The following ZNF804B variants were observed in gnomAD, a reference collection of about 807,000 sequenced individuals.
ZNF804B encodes zinc finger protein 804B.
In ZNF804B, 80 loss-of-function variants were observed where a neutral mutation model predicts 101.4. The observed-to-expected ratio is 0.79, with a 90% CI of 0.66 to 0.95. The LOEUF is 0.95. ZNF804B is among the 40% of genes least tolerant of loss of function. The pLI, the probability that ZNF804B is intolerant of heterozygous loss-of-function variation, is 0.00. For synonymous variants in ZNF804B, 622 were observed against 558.8 expected, an observed-to-expected ratio of 1.11 and a Z score of -1.59; for missense variants, 1,673 against 1,561.9, an observed-to-expected ratio of 1.07 and a Z score of -1.20.
In ZNF804B at chr7:88,803,630, C is replaced by T. The variant is rs371160317; in HGVS notation, c.108+43546C>T. On this transcript the variant is annotated intron_variant, in intron 1 of 3. Coordinates refer to ENST00000333190, the MANE Select transcript of ZNF804B (RefSeq NM_181646.5). The stretch of plus-strand genomic sequence containing the variant: ...GAATATCAGTTACTGGGAGGACTAA[C>T]ATTTTTTCTTTAAATAAAGATGGAA... Among the ~76,000 whole-genome samples, 37 of 152,250 alleles carry T rather than the reference C, an allele frequency of 2.4e-4. No individual in the cohort carries two copies. The East Asian group carries it at 3.7e-3, about 15-fold the overall frequency.
intron 1 of ZNF804B, among the ~76,000 whole-genome samples, chr7:89,212,119 A>G (rs1409975312): frequency 6.6e-6 from 1 of 151,926 alleles, no homozygotes; most frequent in Non-Finnish European, 1.5e-5. Flanking sequence ...CTAGCTTTGT[A>G]TGAGATAGTG....
At chr7:88,944,993 T>C (rs1793106320) in intron 1 of ZNF804B, among the ~76,000 whole-genome samples, 2 of 152,130 alleles carry the variant, frequency 1.3e-5, no homozygotes, top group South Asian at 4.2e-4. Flanking sequence ...ATATTAGCCC[T>C]TTGTTAGATG....
chr7:89,278,706 C>A (rs1790029707), intron 2 of ZNF804B, among the ~76,000 whole-genome samples: 2 of 149,604 alleles, frequency 1.3e-5, no homozygotes, highest in East Asian at 1.9e-4. Context: ...TTCCATTGAT[C>A]TATATCTCTG....
chr7:89,331,304 C>G (rs1386780220), intron 3 of ZNF804B, among the ~76,000 whole-genome samples: 1 of 151,682 alleles, frequency 6.6e-6, no homozygotes, highest in East Asian at 1.9e-4. Context: ...GCTGGAGGCA[C>G]TTTCAAAGGC....
intron 1 of ZNF804B, among the ~76,000 whole-genome samples, chr7:88,876,602 C>T (rs555596936): frequency 6.6e-6 from 1 of 152,048 alleles, no homozygotes; most frequent in Admixed American, 6.6e-5. Flanking sequence ...TCCACCCGCT[C>T]CCTCACTTCT....
intron 1 of ZNF804B, among the ~76,000 whole-genome samples, chr7:88,828,318 G>A (rs1056248403): frequency 1.3e-5 from 2 of 151,832 alleles, no homozygotes; most frequent in Middle Eastern, 3.2e-3. Flanking sequence ...ATGTCCCTTG[G>A]GCTCCTTCTC....
rs138881379 is a variant in ZNF804B, at chr7:89,129,736, C to T, written c.109-88419C>T. On this transcript the variant is annotated intron_variant, in intron 1 of 3. Coordinates refer to ENST00000333190, the MANE Select transcript of ZNF804B (RefSeq NM_181646.5). The stretch of plus-strand genomic sequence containing the variant: ...GCATAGAGAGTTTCAGTAACTTCCT[C>T]ATGGTTATTAAGCAGTCTGCTAGGA... Among the ~76,000 whole-genome samples, 89 of 152,096 alleles carry T rather than the reference C, an allele frequency of 5.9e-4. No homozygotes were observed. The East Asian group carries it at 0.016, about 28-fold the overall frequency.
chr7:88,990,051 A>G (rs567513783), intron 1 of ZNF804B, among the ~76,000 whole-genome samples: 1 of 152,170 alleles, frequency 6.6e-6, no homozygotes, highest in African/African-American at 2.4e-5. Context: ...TTGTGGTTCT[A>G]GCCAATGATA....
At chr7:89,321,472 C>T (rs905878301) in intron 2 of ZNF804B, among the ~76,000 whole-genome samples, 4 of 151,754 alleles carry the variant, frequency 2.6e-5, no homozygotes, top group Admixed American at 2.6e-4. Flanking sequence ...GAGCGAGACC[C>T]CATCTCAAAA....
At chr7:88,786,528 T>C (rs1236047473) in intron 1 of ZNF804B, among the ~76,000 whole-genome samples, 1 of 152,126 alleles carries the variant, frequency 6.6e-6, no homozygotes, top group Non-Finnish European at 1.5e-5. Flanking sequence ...ATTCCTCTTT[T>C]AGCTTAATTT....
At position 89,100,210 on chromosome 7, in the gene ZNF804B, G is replaced by A. The variant is rs375653613; in HGVS notation, c.109-117945G>A. ...CCAAAGTGCCAAGAACAGACATTGG[G>A]GAAAAGGCAGTCTCTTCAATAAATA... On this transcript the variant is annotated intron_variant, in intron 1 of 3. Transcript: ENST00000333190. Among the ~76,000 whole-genome samples the A allele has an allele frequency of 1.2e-4, 19 of 152,150 alleles. No individual in the cohort carries two copies. In the East Asian group the frequency reaches 3.3e-3, roughly 26 times the overall value.
Position 89,002,142 on chromosome 7 carries a change from ACT to A in ZNF804B, c.109-216012_109-216011del, listed in dbSNP as rs546034033. ...TAACATTGAGATCAAAAACTAAAAC[ACT>A]GTTAAACTAATAAAAAGTACAAATA... On this transcript the variant is annotated intron_variant, in intron 1 of 3. Coordinates refer to ENST00000333190, the MANE Select transcript of ZNF804B (RefSeq NM_181646.5). 1.9e-3 allele frequency among the ~76,000 whole-genome samples: 290 copies of A among 151,770 alleles called. 2 individuals carry two copies. Among genetic ancestry groups the A allele is most frequent in the African/African-American group, 6.7e-3 (279 of 41,518 alleles).
rs563288990 is a variant in ZNF804B at position 89,289,243 on chromosome 7, T to TA, written c.250-38100dup. 1.5e-4 allele frequency among the ~76,000 whole-genome samples: 23 copies of TA among 152,220 alleles called. 1 individual carries two copies. The South Asian group carries it at 4.8e-3, about 32-fold the overall frequency. On this transcript the variant is annotated intron_variant, in intron 2 of 3. Transcript: ENST00000333190. The stretch of plus-strand genomic sequence containing the variant: ...CCATAAACTCAACTGCAGTTGTCGT[T>TA]ACGTTAAATATAATGGAGGAGGAGT...
intron 1 of ZNF804B, among the ~76,000 whole-genome samples, chr7:89,051,793 G>C (rs1789209877): frequency 6.6e-6 from 1 of 152,112 alleles, no homozygotes; most frequent in Non-Finnish European, 1.5e-5. Context: ...ACTGGTGTCA[G>C]ACTACCTGCC....
At chr7:88,820,870 A>G (rs1279688171) in intron 1 of ZNF804B, among the ~76,000 whole-genome samples, 1 of 152,178 alleles carries the variant, frequency 6.6e-6, no homozygotes, top group Non-Finnish European at 1.5e-5. Context: ...ACCCCTCAGC[A>G]TTGAAGAGAG....
chr7:89,138,384 T>C (rs1482555330), intron 1 of ZNF804B, among the ~76,000 whole-genome samples: 1 of 152,150 alleles, frequency 6.6e-6, no homozygotes, highest in Non-Finnish European at 1.5e-5. Context: ...AGCTTTACGA[T>C]GTGACCGTTG....
At chr7:89,013,285 AAG>A (rs756613851) in intron 1 of ZNF804B, among the ~76,000 whole-genome samples, 4 of 151,870 alleles carry the variant, frequency 2.6e-5, no homozygotes, top group Admixed American at 6.6e-5. Flanking sequence ...GTTAAGAGAG[AAG>A]AAACATATGA....
chr7:88,854,508 TTTCCTTTCCTTTCCTTCCTTTCC>T (rs1324584927), intron 1 of ZNF804B, among the ~76,000 whole-genome samples: 2 of 89,774 alleles, frequency 2.2e-5, no homozygotes, highest in African/African-American at 1.2e-4. Flanking sequence ...TTTCCTTTCC[TTTCCTTTCCTTTCCTTCCTTTCC>T]TTCCTTCCTT....
chr7:88,867,456 TA>T (rs1425230357), intron 1 of ZNF804B, among the ~76,000 whole-genome samples: 1 of 152,072 alleles, frequency 6.6e-6, no homozygotes, highest in Admixed American at 6.6e-5. Flanking sequence ...CAAGAAAGAG[TA>T]AACAAATTTG....
Sources: allele counts gnomAD v4.1 joint callset (sites outside exome capture counted in the v4.1 genomes callset), GRCh38; gene constraint gnomAD v4.1.1; transcripts MANE v1.5; gene names NCBI Gene and HGNC (gene_info 2026-07-23, HGNC 2026-07-21).